Variants in GALNT17 observed in about 807,000 individuals in gnomAD.
GALNT17 encodes polypeptide N-acetylgalactosaminyltransferase 17.
Under a neutral mutation model 63.7 loss-of-function variants are expected in GALNT17, and 29 were observed. That is an observed-to-expected ratio of 0.46 (90% confidence interval 0.34 to 0.62). The LOEUF (loss-of-function observed/expected upper bound fraction) is 0.62, where lower values mean the gene tolerates loss of function less well. GALNT17 is among the 20% of genes least tolerant of loss of function. The pLI, the probability that GALNT17 is intolerant of heterozygous loss-of-function variation, is 0.01. For missense variants in GALNT17, 603 were observed against 799.6 expected, an observed-to-expected ratio of 0.75 and a Z score of 2.97; for synonymous variants, 305 against 318.3, an observed-to-expected ratio of 0.96 and a Z score of 0.45.
At chr7:71,633,625 C>T (rs1354507263) in intron 6 of GALNT17, among the ~76,000 whole-genome samples, 1 of 152,030 alleles carries the variant, frequency 6.6e-6, no homozygotes, top group African/African-American at 2.4e-5. Context: ...GCCTCATTGC[C>T]CTCTGAGGGC....
intron 1 of GALNT17, among the ~76,000 whole-genome samples, chr7:71,271,039 T>C (rs1790579377): frequency 6.6e-6 from 1 of 152,140 alleles, no homozygotes; most frequent in South Asian, 2.1e-4. Context: ...TTTACACTTA[T>C]ATAATTGTTT....
intron 3 of GALNT17, among the ~76,000 whole-genome samples, chr7:71,396,935 A>T (rs1793148654): frequency 6.6e-6 from 1 of 152,116 alleles, no homozygotes; most frequent in African/African-American, 2.4e-5. Flanking sequence ...TTGTATAGAA[A>T]CACAACTTAT....
chr7:71,259,930 C>T (rs748869760), intron 1 of GALNT17, among the ~76,000 whole-genome samples: 4 of 151,970 alleles, frequency 2.6e-5, no homozygotes, highest in Admixed American at 6.6e-5. Context: ...CGTGAGCCAC[C>T]GCACCCAGCC....
intron 4 of GALNT17, among the ~76,000 whole-genome samples, chr7:71,420,225 C>T (rs1786637160): frequency 6.6e-6 from 1 of 152,184 alleles, no homozygotes; most frequent in Admixed American, 6.5e-5. Flanking sequence ...AGCCAGATTC[C>T]TGACGAATTA....
chr7:71,635,120 T>C (rs1402177597), intron 6 of GALNT17, among the ~76,000 whole-genome samples: 1 of 151,186 alleles, frequency 6.6e-6, no homozygotes. Flanking sequence ...GGCAGGAGAA[T>C]TGCTTGAACC....
chr7:71,642,692 G>A lies in GALNT17; in HGVS notation c.1081-22719G>A, dbSNP rs529606559. On this transcript the variant is annotated intron_variant, in intron 6 of 10. Transcript: ENST00000333538. ...CTCTACTAAAAATACAAAATTAGCT[G>A]GGTGTGGTGGTGTGCACCTGTAATC... is the stretch of plus-strand genomic sequence containing the variant. Among the ~76,000 whole-genome samples, 248 of 152,180 alleles carry A rather than the reference G, an allele frequency of 1.6e-3. 1 individual carries two copies. Among genetic ancestry groups the A allele is most frequent in the Non-Finnish European group, 2.8e-3 (190 of 68,000 alleles).
intron 1 of GALNT17, among the ~76,000 whole-genome samples, chr7:71,277,147 C>T (rs991177753): frequency 6.6e-6 from 1 of 152,166 alleles, no homozygotes; most frequent in Non-Finnish European, 1.5e-5. Context: ...CCATGGAATA[C>T]TATGCAGCCA....
intron 1 of GALNT17, among the ~76,000 whole-genome samples, chr7:71,191,104 G>T (rs1328990906): frequency 6.6e-6 from 1 of 152,150 alleles, no homozygotes; most frequent in Non-Finnish European, 1.5e-5. Flanking sequence ...GACCTTAAGT[G>T]TAGTTTGATT....
intron 9 of GALNT17, among the ~76,000 whole-genome samples, chr7:71,700,334 C>G (rs947086650): frequency 6.6e-6 from 1 of 151,578 alleles, no homozygotes; most frequent in African/African-American, 2.4e-5. Context: ...GAATTCTTAA[C>G]TACTTAACTT....
intron 5 of GALNT17, among the ~76,000 whole-genome samples, chr7:71,489,973 A>G (rs894383910): frequency 5.9e-5 from 9 of 152,222 alleles, no homozygotes; most frequent in African/African-American, 1.9e-4. Context: ...AGCCTGTGCA[A>G]CATGGTGAGA....
chr7:71,275,517 C>T (rs1583820652), intron 1 of GALNT17, among the ~76,000 whole-genome samples: 1 of 152,184 alleles, frequency 6.6e-6, no homozygotes, highest in African/African-American at 2.4e-5. Context: ...GGTGCTGAAA[C>T]CAGCTCTTGT....
intron 1 of GALNT17, among the ~76,000 whole-genome samples, chr7:71,266,662 G>T (rs1013131413): frequency 1.3e-5 from 2 of 152,156 alleles, no homozygotes; most frequent in African/African-American, 4.8e-5. Context: ...AACATTCACA[G>T]TTTTTGGGGG....
intron 6 of GALNT17, among the ~76,000 whole-genome samples, chr7:71,610,052 C>G (rs1790102077): frequency 1.3e-5 from 2 of 152,062 alleles, no homozygotes; most frequent in Admixed American, 1.3e-4. Flanking sequence ...AAAAATTGAT[C>G]TACTAAGCTG....
chr7:71,701,329 G>T (rs181841887), intron 9 of GALNT17, among the ~76,000 whole-genome samples: 1 of 151,820 alleles, frequency 6.6e-6, no homozygotes, highest in African/African-American at 2.4e-5. Context: ...TCTACTAAAA[G>T]TATAAAAATT....
intron 5 of GALNT17, among the ~76,000 whole-genome samples, chr7:71,479,119 T>C (rs1229051423): frequency 6.6e-6 from 1 of 152,112 alleles, no homozygotes; most frequent in African/African-American, 2.4e-5. Context: ...CCTAATTAGG[T>C]GGGTTTTGGA....
chr7:71,183,787 A>G (rs954849147), intron 1 of GALNT17, among the ~76,000 whole-genome samples: 2 of 152,108 alleles, frequency 1.3e-5, no homozygotes, highest in Non-Finnish European at 2.9e-5. Context: ...AATCCCAGCT[A>G]CTTGAGGCAG....
At chr7:71,160,143 T>C (rs908952659) in intron 1 of GALNT17, among the ~76,000 whole-genome samples, 5 of 152,060 alleles carry the variant, frequency 3.3e-5, no homozygotes, top group African/African-American at 1.2e-4. Flanking sequence ...CAGGGAAAAA[T>C]GGAAATGAGA....
At chr7:71,260,522 A>G (rs1790366829) in intron 1 of GALNT17, among the ~76,000 whole-genome samples, 1 of 149,760 alleles carries the variant, frequency 6.7e-6, no homozygotes, top group African/African-American at 2.5e-5. Context: ...GAAATATTCT[A>G]CTCCTCCTCT....
At chr7:71,163,185 A>G (rs1461336816) in intron 1 of GALNT17, among the ~76,000 whole-genome samples, 1 of 152,230 alleles carries the variant, frequency 6.6e-6, no homozygotes, top group African/African-American at 2.4e-5. Flanking sequence ...CAATTAGAAA[A>G]ATGATGCCAT....
Sources: gnomAD v4.1 joint callset for allele counts (sites outside exome capture counted in the v4.1 genomes callset) on GRCh38, gnomAD v4.1.1 for gene constraint, MANE v1.5 for transcripts, NCBI Gene and HGNC (gene_info 2026-07-23, HGNC 2026-07-21) for gene names.